TREH: variants seen among roughly 807,000 people sequenced by gnomAD.
The protein encoded by TREH is alpha,alpha-trehalose glucohydrolase.
TREH carries 69 observed loss-of-function variants against 80.5 expected under a neutral mutation model. That is an observed-to-expected ratio of 0.86 (90% CI 0.71 to 1.05). The LOEUF is 1.05. Ranked by LOEUF, TREH falls within the 50% of genes least tolerant of loss-of-function variation. The pLI is 0.00. For missense variants in TREH, 716 were observed against 718.8 expected (o/e 1.00, Z 0.04); for synonymous variants, 309 against 293.5 (o/e 1.05, Z -0.54).
At chr11:118,672,073 C>T (rs1262176029) in intron 1 of TREH, among the ~76,000 whole-genome samples, 2 of 152,118 alleles carry the variant, frequency 1.3e-5, no homozygotes, top group African/African-American at 4.8e-5. Flanking sequence ...GAGTATACTT[C>T]GATCAGAAAG....
Position 118,659,879 on chromosome 11 carries a change from G to A in TREH, c.1188C>T (p.Thr396=), listed in dbSNP as rs781948415. 33 of 1,551,880 alleles carry A rather than the reference G, an allele frequency of 2.1e-5. 1 individual carries two copies. Among genetic ancestry groups the A allele is most frequent in the Middle Eastern group, 1.7e-4 (1 of 6,014 alleles). ...ALNTVLWDEQ[T]GAWFDYDLEK... Reference sequence around the variant, plus strand: ...CAAGGTCGTAATCGAACCAGGCTCCGGTCTGCTCATCCCACAGGACTGTGT... The same window carrying A: ...CAAGGTCGTAATCGAACCAGGCTCCAGTCTGCTCATCCCACAGGACTGTGT... The change falls in exon 11 of 15, where the codon ACC becomes ACT. Residue 396 remains threonine (T), a synonymous_variant. Transcript: ENST00000264029.
intron 4 of TREH, 62 bp downstream of exon 4, chr11:118,662,819 C>A (rs1272965788): frequency 6.5e-7 from 1 of 1,531,512 alleles, no homozygotes; most frequent in Admixed American, 2.0e-5. Flanking sequence ...CTGTGGGCCC[C>A]AGGCACATTC....
Position 118,661,454 on chromosome 11 carries a change from G to A in TREH, c.673C>T (p.Pro225Ser), listed in dbSNP as rs1555144945. 1 of 1,613,916 alleles carries A rather than the reference G, an allele frequency of 6.2e-7. No individual in the cohort carries two copies. Among genetic ancestry groups the A allele is most frequent in the Non-Finnish European group, 8.5e-7 (1 of 1,179,866 alleles). Residue 225 changes from proline (P) to serine (S), a missense_variant, in exon 7 of 15, where the codon CCA (proline) becomes TCA (serine). Coordinates refer to ENST00000264029, the MANE Select transcript of TREH (RefSeq NM_007180.3). This position sits in a 1 kb window ranked among gnomAD's most constrained non-coding sequence, Gnocchi z 4.2. ...CAATCCATCATGAGGGTCAAGAGTG[G>A]GGGCTGGCTCCGCTGCAGGTAGTAC... The part of the protein sequence containing the change: ...RVYYLQRSQP[P>S]LLTLMMDCYL...
rs1366947199 is a variant in TREH, at chr11:118,661,217, C to G, written c.800G>C (p.Ser267Thr). ...CAGGAGGTAGTTCTTTCCCTCCAAG[C>G]TCACAGAGACAGTCCTGTTCTTGGT... ...FWTKNRTVSV[S>T]LEGKNYLLNR... is the part of the protein sequence containing the mutation. The change falls in exon 8 of 15, where the codon AGC (serine) becomes ACC (threonine). Residue 267 changes from serine (S) to threonine (T), a missense_variant. Ser to Thr is a moderately conservative substitution (Grantham distance 58, BLOSUM62 1). Transcript: ENST00000264029. The surrounding 1 kb of genome is among the most constrained non-coding windows in gnomAD (Gnocchi z 4.2). 1.9e-6 allele frequency: 3 copies of G among 1,614,028 alleles called. No individual in the cohort carries two copies. Among genetic ancestry groups the G allele is most frequent in the Non-Finnish European group, 1.7e-6 (2 of 1,179,894 alleles).
chr11:118,677,119 G>A (rs1949488025), intron 1 of TREH, among the ~76,000 whole-genome samples: 1 of 152,246 alleles, frequency 6.6e-6, no homozygotes, highest in Non-Finnish European at 1.5e-5. Context: ...AATGTGATTT[G>A]TGGCAGGGGC....
chr11:118,658,197 G>T lies in TREH; in HGVS notation c.*92C>A. The T allele has an allele frequency of 6.8e-7, 1 of 1,480,624 alleles. No individual in the cohort carries two copies. 91.7% of individuals were successfully genotyped at this position (1,480,624 alleles called of 1,614,324 possible). ...ACTTCGCTCTGAGGACAGGCTGGGA[G>T]GTAGGAGGGCATGAAGAGGCAGGGG... On this transcript the variant is annotated 3_prime_UTR_variant, in exon 15 of 15. Transcript: ENST00000264029.
intron 4 of TREH, among the ~76,000 whole-genome samples, chr11:118,662,539 C>G (rs929458273): frequency 3.3e-5 from 5 of 152,250 alleles, no homozygotes; most frequent in African/African-American, 1.2e-4. Flanking sequence ...AGACGGAGGC[C>G]TGGCCCAGGA....
At chr11:118,675,036 T>C (rs1041072664) in intron 1 of TREH, among the ~76,000 whole-genome samples, 1 of 151,074 alleles carries the variant, frequency 6.6e-6, no homozygotes, top group Non-Finnish European at 1.5e-5. Flanking sequence ...CTTCTTAGTA[T>C]ACATTTCCCT....
intron 1 of TREH, among the ~76,000 whole-genome samples, chr11:118,672,280 C>A (rs546985019): frequency 2.0e-4 from 30 of 152,108 alleles, no homozygotes; most frequent in African/African-American, 7.0e-4. Context: ...CACTTGTAGT[C>A]CCAGGTACTG....
intron 1 of TREH, among the ~76,000 whole-genome samples, chr11:118,667,624 A>G (rs1294617678): frequency 2.0e-5 from 3 of 152,170 alleles, no homozygotes; most frequent in Admixed American, 1.3e-4. Flanking sequence ...TACTCAAACT[A>G]ATTACACCTA....
At chr11:118,660,799 C>T (rs1949312455) in intron 9 of TREH, 66 bp from the exon 10 acceptor site, 1 of 1,546,784 alleles carries the variant, frequency 6.5e-7, no homozygotes, top group Middle Eastern at 1.7e-4. Context: ...GACAGGAGAC[C>T]AGAGCCTGAC....
Position 118,662,554 on chromosome 11 carries a change from A to G in TREH, c.423+327T>C, listed in dbSNP as rs146884279. Reference sequence around the variant, plus strand: ...AGACGGAGGCCTGGCCCAGGAGCTCAGGGAAGGAGAGAGCCCAGCAGGCAG... The same window carrying G: ...AGACGGAGGCCTGGCCCAGGAGCTCGGGGAAGGAGAGAGCCCAGCAGGCAG... On this transcript the variant is annotated intron_variant, in intron 4 of 14. Coordinates refer to ENST00000264029, the MANE Select transcript of TREH (RefSeq NM_007180.3). Among the ~76,000 whole-genome samples, 138 of 152,322 alleles carry G rather than the reference A, an allele frequency of 9.1e-4. 1 individual carries two copies. The East Asian group carries it at 0.016, about 18-fold the overall frequency.
intron 1 of TREH, among the ~76,000 whole-genome samples, chr11:118,668,221 G>C (rs1168238562): frequency 6.6e-6 from 1 of 151,818 alleles, no homozygotes; most frequent in African/African-American, 2.4e-5. Flanking sequence ...ATTAGAGGAG[G>C]AGGGAATACT....
chr11:118,679,548 G>T lies in TREH; in HGVS notation c.80C>A (p.Pro27His). 1.3e-6 allele frequency: 2 copies of T among 1,529,596 alleles called. No individual in the cohort carries two copies. The highest frequency in any genetic ancestry group is 2.0e-5 in the Admixed American group (1 of 49,496). 94.8% of individuals were successfully genotyped at this position (1,529,596 alleles called of 1,614,324 possible). A position where few individuals can be genotyped will look rare whatever the true frequency, so the allele number is the denominator to read the frequency against. The stretch of plus-strand genomic sequence containing the variant: ...TTCCCCACACCCCTACCTCTCACAG[G>T]GTGGGGGTAGGGCCTCCTGGGACCC... The part of the protein sequence containing the change: ...GLGSQEALPP[P>H]CESEIYCHGE... Residue 27 changes from proline to histidine, a missense_variant, in exon 1 of 15, where the codon CCC (proline) becomes CAC (histidine). Pro to His is a moderately conservative substitution (Grantham distance 77). Transcript: ENST00000264029.
At position 118,661,079 on chromosome 11, in the gene TREH, C is replaced by A. The variant is rs1949315836; in HGVS notation, c.857+81G>T. ...TCTGAGAGGCCAGGCTAAGTCACTCCTCCTCCTGCCCGGGGCATTGTGATG... is the reference window on the plus strand; with the variant it reads ...TCTGAGAGGCCAGGCTAAGTCACTCATCCTCCTGCCCGGGGCATTGTGATG... On this transcript the variant is annotated intron_variant, in intron 8 of 14. Coordinates refer to ENST00000264029, the MANE Select transcript of TREH (RefSeq NM_007180.3). The surrounding 1 kb of genome is among the most constrained non-coding windows in gnomAD (Gnocchi z 4.2). The A allele has an allele frequency of 2.5e-6, 4 of 1,599,608 alleles. No homozygotes were observed. Among genetic ancestry groups the A allele is most frequent in the Non-Finnish European group, 3.4e-6 (4 of 1,171,482 alleles).
At chr11:118,660,456 C>T (rs1186575909) in intron 10 of TREH, 83 bp downstream of exon 10, 1 of 1,419,248 alleles carries the variant, frequency 7.0e-7, no homozygotes, top group Non-Finnish European at 9.5e-7. Context: ...GCCTGTCACA[C>T]AAGGGTCCTA....
intron 1 of TREH, among the ~76,000 whole-genome samples, chr11:118,677,802 C>CT (rs1949494094): frequency 2.0e-5 from 3 of 152,192 alleles, no homozygotes; most frequent in Non-Finnish European, 4.4e-5. Flanking sequence ...TGAGGTTGGT[C>CT]TTAGGGAACA....
At chr11:118,669,096 C>T (rs1044414666) in intron 1 of TREH, among the ~76,000 whole-genome samples, 1 of 152,128 alleles carries the variant, frequency 6.6e-6, no homozygotes, top group Non-Finnish European at 1.5e-5. Flanking sequence ...TGAAAAGGTG[C>T]TCAATATAAT....
Position 118,661,462 on chromosome 11 carries a change from C to T in TREH, c.665G>A (p.Ser222Asn). ...CATGAGGGTCAAGAGTGGGGGCTGG[C>T]TCCGCTGCAGGTAGTACACGCGCCC... Reference protein sequence around the residue: ...NGGRVYYLQRSQPPLLTLMMD... With the variant: ...NGGRVYYLQRNQPPLLTLMMD... The change falls in exon 7 of 15, where the codon AGC (serine) becomes AAC (asparagine). Residue 222 changes from serine to asparagine, a missense_variant. By Grantham distance (46) the Ser-to-Asn change is conservative. Transcript: ENST00000264029. The surrounding 1 kb of genome is among the most constrained non-coding windows in gnomAD (Gnocchi z 4.2). The T allele has an allele frequency of 6.2e-7, 1 of 1,613,926 alleles. No homozygotes were observed. Among genetic ancestry groups the T allele is most frequent in the East Asian group, 2.2e-5 (1 of 44,868 alleles).
Sources: gnomAD v4.1 joint callset for allele counts (sites outside exome capture counted in the v4.1 genomes callset) on GRCh38, gnomAD v4.1.1 for gene constraint, Gnocchi (gnomAD v3.1) non-coding constraint, MANE v1.5 for transcripts, NCBI Gene and HGNC (gene_info 2026-07-23, HGNC 2026-07-21) for gene names.